The following ZCCHC7 variants were observed in gnomAD, a reference collection of about 807,000 sequenced individuals.
The protein encoded by ZCCHC7 is zinc finger CCHC-type containing 7.
A neutral mutation model predicts 52.0 loss-of-function variants in ZCCHC7; 35 were observed. The observed-to-expected ratio is 0.67, with a 90% CI of 0.51 to 0.89. ZCCHC7 has a LOEUF of 0.89. Among genes scored for constraint, ZCCHC7 ranks in the 40% least tolerant of loss-of-function variants. The pLI is 0.00. For missense variants in ZCCHC7, 574 were observed against 649.1 expected (o/e 0.88, Z 1.26); for synonymous variants, 217 against 221.5 (o/e 0.98, Z 0.18).
chr9:37,262,216 A>ATT (rs35551852), intron 2 of ZCCHC7, among the ~76,000 whole-genome samples: 1 of 147,162 alleles, frequency 6.8e-6, no homozygotes, highest in Non-Finnish European at 1.5e-5. Flanking sequence ...GAAAAAGGTG[A>ATT]TTTTTTTTTT....
chr9:37,357,145 G>A lies in ZCCHC7; in HGVS notation c.1509G>A (p.Thr503=), dbSNP rs547984845. The A allele has an allele frequency of 1.2e-5, 19 of 1,613,348 alleles. No homozygotes were observed. The highest frequency in any genetic ancestry group is 1.7e-4 in the Middle Eastern group (1 of 6,056). ...TTCACCGTTCATCACATTACCACAC[G>A]TCAAGAGAAGACAAGTCTCCCAAGG... ...KPFHRSSHYH[T]SREDKSPKEG... The change falls in exon 9 of 9, where the codon ACG becomes ACA. Residue 503 remains threonine (T), a synonymous_variant. Coordinates refer to ENST00000336755, the MANE Select transcript of ZCCHC7 (RefSeq NM_032226.3).
intron 2 of ZCCHC7, among the ~76,000 whole-genome samples, chr9:37,215,180 C>T (rs1480606497): frequency 6.6e-6 from 1 of 152,010 alleles, no homozygotes; most frequent in Admixed American, 6.6e-5. Context: ...TGGGATTATT[C>T]TGTTTTTCAA....
At chr9:37,196,010 G>A (rs190162596) in intron 2 of ZCCHC7, among the ~76,000 whole-genome samples, 2 of 152,296 alleles carry the variant, frequency 1.3e-5, no homozygotes, top group East Asian at 1.9e-4. Context: ...AGTTTTAGAT[G>A]TGTAGAGTTT....
At chr9:37,229,609 A>G (rs1825299688) in intron 2 of ZCCHC7, among the ~76,000 whole-genome samples, 1 of 152,246 alleles carries the variant, frequency 6.6e-6, no homozygotes, top group Non-Finnish European at 1.5e-5. Context: ...GTATACTTGT[A>G]TAGAGCACTT....
At chr9:37,302,692 A>G (rs1202273479) in intron 3 of ZCCHC7, among the ~76,000 whole-genome samples, 1 of 152,244 alleles carries the variant, frequency 6.6e-6, no homozygotes, top group Non-Finnish European at 1.5e-5. Context: ...CCAGTTCAGC[A>G]AAATAACAAA....
At chr9:37,152,077 G>C (rs1820560354) in intron 2 of ZCCHC7, among the ~76,000 whole-genome samples, 1 of 152,142 alleles carries the variant, frequency 6.6e-6, no homozygotes, top group African/African-American at 2.4e-5. Context: ...TAACAGTAAT[G>C]GTAGTATGTA....
At chr9:37,122,112 G>A (rs56260705) in intron 1 of ZCCHC7, among the ~76,000 whole-genome samples, 12,833 of 152,222 alleles carry the variant, frequency 0.084, 755 homozygotes, top group Middle Eastern at 0.16. Flanking sequence ...TCATCAAGAA[G>A]GAACATCTAG....
At chr9:37,291,207 G>A (rs1452287713) in intron 2 of ZCCHC7, among the ~76,000 whole-genome samples, 3 of 152,322 alleles carry the variant, frequency 2.0e-5, no homozygotes, top group Non-Finnish European at 2.9e-5. Flanking sequence ...TGAATCAGAA[G>A]ATGAATGCAA....
chr9:37,170,089 A>T (rs1821649622), intron 2 of ZCCHC7, among the ~76,000 whole-genome samples: 1 of 151,960 alleles, frequency 6.6e-6, no homozygotes, highest in Admixed American at 6.6e-5. Flanking sequence ...GAAAAAGAAT[A>T]AAAAAGTCTA....
At chr9:37,132,774 G>GGAAGAATT (rs1214138888) in intron 2 of ZCCHC7, among the ~76,000 whole-genome samples, 41 of 152,260 alleles carry the variant, frequency 2.7e-4, no homozygotes, top group Admixed American at 8.5e-4. Context: ...TGGCTTCCAT[G>GGAAGAATT]GGCCACATTG....
intron 5 of ZCCHC7, among the ~76,000 whole-genome samples, chr9:37,322,688 A>AT (rs1830100132): frequency 6.7e-6 from 1 of 149,490 alleles, no homozygotes; most frequent in Admixed American, 6.7e-5. Context: ...ATGTTTCTGA[A>AT]TTTTTTTAAG....
chr9:37,143,501 T>C (rs1462913334), intron 2 of ZCCHC7, among the ~76,000 whole-genome samples: 2 of 151,602 alleles, frequency 1.3e-5, no homozygotes, highest in Non-Finnish European at 3.0e-5. Context: ...TAGTAGATAG[T>C]TCGTAGTTCC....
intron 2 of ZCCHC7, among the ~76,000 whole-genome samples, chr9:37,258,757 T>TA (rs5897683): frequency 0.36 from 19,767 of 55,146 alleles, 5,001 homozygotes; most frequent in East Asian, 0.59. Context: ...TCCTGTCTCT[T>TA]AAAAAAAAAA....
intron 6 of ZCCHC7, chr9:37,334,092 C>T (rs1025147433): frequency 6.6e-6 from 1 of 151,794 alleles, no homozygotes; most frequent in Non-Finnish European, 1.5e-5. Context: ...AATTCTTTGT[C>T]GTGTTACGTA....
chr9:37,228,619 A>G (rs909482851), intron 2 of ZCCHC7, among the ~76,000 whole-genome samples: 7 of 151,990 alleles, frequency 4.6e-5, no homozygotes, highest in African/African-American at 1.7e-4. Context: ...TCCTCCTGCC[A>G]TGCCTTCCCA....
chr9:37,184,687 T>TTTGTTGTTGTTG (rs56220914), intron 2 of ZCCHC7, among the ~76,000 whole-genome samples: 292 of 150,464 alleles, frequency 1.9e-3, no homozygotes, highest in African/African-American at 6.8e-3. Flanking sequence ...TGTCTGGTGA[T>TTTGTTGTTGTTG]TTGTTGTTGT....
chr9:37,334,113 G>A (rs1184976889), intron 6 of ZCCHC7, among the ~76,000 whole-genome samples: 1 of 151,888 alleles, frequency 6.6e-6, no homozygotes, highest in Non-Finnish European at 1.5e-5. Flanking sequence ...CACATAAAGA[G>A]TGTAGAAGTA....
chr9:37,167,695 T>C (rs1215150480), intron 2 of ZCCHC7, among the ~76,000 whole-genome samples: 1 of 152,208 alleles, frequency 6.6e-6, no homozygotes, highest in Non-Finnish European at 1.5e-5. Flanking sequence ...TAAAATTAAA[T>C]TACCAAGAAA....
chr9:37,200,184 T>C (rs1222922031), intron 2 of ZCCHC7, among the ~76,000 whole-genome samples: 1 of 152,234 alleles, frequency 6.6e-6, no homozygotes, highest in East Asian at 1.9e-4. Flanking sequence ...CTCTTTGTTA[T>C]CTTTTTCTGT....
Sources: gnomAD v4.1 joint callset for allele counts (sites outside exome capture counted in the v4.1 genomes callset) on GRCh38, gnomAD v4.1.1 for gene constraint, MANE v1.5 for transcripts, NCBI Gene and HGNC (gene_info 2026-07-23, HGNC 2026-07-21) for gene names.